The following DMGDH variants were observed in gnomAD, a reference collection of about 807,000 sequenced individuals.
DMGDH encodes the protein dimethylglycine dehydrogenase.
A neutral mutation model predicts 95.2 loss-of-function variants in DMGDH; 76 were observed. The ratio of observed to expected loss-of-function variants is 0.80; its 90% CI spans 0.66 to 0.97. The LOEUF (loss-of-function observed/expected upper bound fraction) is 0.97, where lower values mean the gene tolerates loss of function less well. DMGDH is among the 50% of genes least tolerant of loss of function. The pLI is 0.00. For synonymous variants in DMGDH, 345 were observed against 377.6 expected, an observed-to-expected ratio of 0.91 and a Z score of 1.00; for missense variants, 987 against 1,055.0, an observed-to-expected ratio of 0.94 and a Z score of 0.89.
chr5:79,002,678 G>A (rs1753473340), intron 15 of DMGDH, among the ~76,000 whole-genome samples: 1 of 152,066 alleles, frequency 6.6e-6, no homozygotes, highest in Non-Finnish European at 1.5e-5. Flanking sequence ...CTCCAGCATT[G>A]GAAATGCTTG....
intron 8 of DMGDH, 101 bp from the exon 9 acceptor site, chr5:79,032,941 G>T: frequency 7.2e-7 from 1 of 1,387,244 alleles, no homozygotes; most frequent in Non-Finnish European, 1.0e-6. Context: ...AAATCCAGAT[G>T]CATAAACATA....
rs150982232 is a variant in DMGDH at position 79,046,488 on chromosome 5, G to A, written c.746-1936C>T. Reference sequence around the variant, plus strand: ...CTGCAGCCTCGACCTCCCAGGCTCAGGTGATCCTCTCATCTCAGCCTCCTG... The same window carrying A: ...CTGCAGCCTCGACCTCCCAGGCTCAAGTGATCCTCTCATCTCAGCCTCCTG... On this transcript the variant is annotated intron_variant, in intron 5 of 15. Coordinates refer to ENST00000255189, the MANE Select transcript of DMGDH (RefSeq NM_013391.3). Among the ~76,000 whole-genome samples, 820 of 151,926 alleles carry A rather than the reference G, an allele frequency of 5.4e-3. 6 individuals are homozygous for A. The highest frequency in any genetic ancestry group is 0.019 in the African/African-American group (768 of 41,406).
intron 7 of DMGDH, among the ~76,000 whole-genome samples, chr5:79,036,088 C>T (rs567253474): frequency 3.0e-4 from 46 of 152,346 alleles, no homozygotes; most frequent in Middle Eastern, 3.4e-3. Flanking sequence ...CCACCCTGCG[C>T]TTCATTCTTC....
At chr5:79,010,122 T>C (rs1224763780) in intron 14 of DMGDH, among the ~76,000 whole-genome samples, 3 of 152,214 alleles carry the variant, frequency 2.0e-5, no homozygotes. Context: ...ACATACTAAA[T>C]ATAATATCTA....
intron 11 of DMGDH, among the ~76,000 whole-genome samples, 199 bp downstream of exon 11, chr5:79,029,705 A>G (rs1754099735): frequency 6.6e-6 from 1 of 152,252 alleles, no homozygotes; most frequent in South Asian, 2.1e-4. Flanking sequence ...CAAGTAACCT[A>G]TGGATGAATT....
At chr5:79,001,236 C>T in intron 15 of DMGDH, 1 of 312,852 alleles carries the variant, frequency 3.2e-6, no homozygotes, top group Non-Finnish European at 5.9e-6. Flanking sequence ...AATCTTGGCT[C>T]TCTGCAACAT....
chr5:79,047,183 C>G (rs529223325), intron 5 of DMGDH, among the ~76,000 whole-genome samples: 18 of 152,130 alleles, frequency 1.2e-4, no homozygotes, highest in Non-Finnish European at 2.5e-4. Flanking sequence ...GTGGAAGACT[C>G]ATTCTAAAAT....
intron 2 of DMGDH, among the ~76,000 whole-genome samples, chr5:79,062,004 G>A (rs577192839): frequency 1.3e-5 from 2 of 152,254 alleles, no homozygotes; most frequent in East Asian, 1.9e-4. Flanking sequence ...ACATTAAAGC[G>A]TATGCCCTCA....
At chr5:79,026,041 C>T (rs1753992407) in intron 13 of DMGDH, among the ~76,000 whole-genome samples, 8 of 152,108 alleles carry the variant, frequency 5.3e-5, no homozygotes, top group Admixed American at 4.6e-4. Flanking sequence ...TCAACCCTGC[C>T]CCTCAGAAAG....
chr5:79,029,394 T>A (rs889390614), intron 11 of DMGDH, among the ~76,000 whole-genome samples: 9 of 152,156 alleles, frequency 5.9e-5, no homozygotes, highest in African/African-American at 1.9e-4. Context: ...AGAATGAAGA[T>A]TCATGTAAAG....
At chr5:79,043,515 G>A (rs557857573) in intron 6 of DMGDH, among the ~76,000 whole-genome samples, 1 of 152,298 alleles carries the variant, frequency 6.6e-6, no homozygotes, top group South Asian at 2.1e-4. Flanking sequence ...CCTACTCTTT[G>A]AGGAGTAGAG....
chr5:79,044,570 T>C lies in DMGDH; in HGVS notation c.746-18A>G. ...CCAAAATCCTTAAACAAAAAAATCA[T>C]TTAAAAGTGTCAGCCCATATATAAA... On this transcript the variant is annotated intron_variant, in intron 5 of 15. Transcript: ENST00000255189. 6.2e-6 allele frequency: 10 copies of C among 1,613,382 alleles called. No individual in the cohort carries two copies. The highest frequency in any genetic ancestry group is 8.5e-6 in the Non-Finnish European group (10 of 1,179,944).
At position 79,044,336 on chromosome 5, in the gene DMGDH, T is replaced by C. The variant is rs1168031868; in HGVS notation, c.962A>G (p.Gln321Arg). ...PYESQEKMKV[Q>R]DSWVTNGVPP... is the part of the protein sequence containing the mutation. ...AACTCCATTGGTGACCCAGGAGTCCTGAACTTTCATTTTCTCTTGACTTTC... is the reference window on the plus strand; with the variant it reads ...AACTCCATTGGTGACCCAGGAGTCCCGAACTTTCATTTTCTCTTGACTTTC... Residue 321 changes from glutamine (Q) to arginine (R), a missense_variant, in exon 6 of 16, where the codon CAG becomes CGG. By Grantham distance (43) the Gln-to-Arg change is conservative. Transcript: ENST00000255189. 1 of 1,614,224 alleles carries C rather than the reference T, an allele frequency of 6.2e-7. No homozygotes were observed. The highest frequency in any genetic ancestry group is 8.5e-7 in the Non-Finnish European group (1 of 1,180,030).
At chr5:79,038,819 G>T (rs1422517015) in intron 7 of DMGDH, among the ~76,000 whole-genome samples, 4 of 152,004 alleles carry the variant, frequency 2.6e-5, no homozygotes, top group African/African-American at 7.3e-5. Flanking sequence ...CTGACAAAGG[G>T]CTAATATCCA....
At chr5:79,033,118 T>C in intron 8 of DMGDH, 121 bp downstream of exon 8, 1 of 1,255,426 alleles carries the variant, frequency 8.0e-7, no homozygotes, top group South Asian at 1.3e-5. Flanking sequence ...AGGGGCACAA[T>C]GCTTTTTGGA....
intron 3 of DMGDH, 93 bp from the exon 4 acceptor site, chr5:79,054,441 C>T: frequency 7.9e-7 from 1 of 1,273,860 alleles, no homozygotes; most frequent in East Asian, 2.4e-5. Flanking sequence ...TGCAGCTGTA[C>T]AAAAAGATTT....
intron 5 of DMGDH, among the ~76,000 whole-genome samples, chr5:79,048,891 A>C (rs1056933015): frequency 6.6e-6 from 1 of 152,178 alleles, no homozygotes; most frequent in Admixed American, 6.5e-5. Context: ...ATTAGGGAGC[A>C]GAGATCTGGT....
chr5:79,019,476 C>T lies in DMGDH; in HGVS notation c.2250+4795G>A, dbSNP rs115012467. ...CACTGCATTAAAAAAAAAAAATCAC[C>T]TGTGGAGCTTTAAAAAGGAACCATG... On this transcript the variant is annotated intron_variant, in intron 14 of 15. Transcript: ENST00000255189. 8.2e-3 allele frequency among the ~76,000 whole-genome samples: 1,239 copies of T among 151,810 alleles called. 12 individuals are homozygous for T. The highest frequency in any genetic ancestry group is 0.028 in the African/African-American group (1,143 of 41,374).
chr5:79,016,163 G>A (rs187466316), intron 14 of DMGDH, among the ~76,000 whole-genome samples: 40 of 151,862 alleles, frequency 2.6e-4, no homozygotes, highest in African/African-American at 8.9e-4. Context: ...GCTTGAACCC[G>A]GGAGGCAGAA....
Sources: gnomAD v4.1 joint callset for allele counts (sites outside exome capture counted in the v4.1 genomes callset) on GRCh38, gnomAD v4.1.1 for gene constraint, MANE v1.5 for transcripts, NCBI Gene and HGNC (gene_info 2026-07-23, HGNC 2026-07-21) for gene names.